The following ITGA11 variants were observed in gnomAD, a reference collection of about 807,000 sequenced individuals.
ITGA11 encodes integrin alpha-11.
In ITGA11, 97 loss-of-function variants were observed where a neutral mutation model predicts 141.9. The observed-to-expected ratio is 0.68, with a 90% CI of 0.58 to 0.81. ITGA11 has a LOEUF of 0.81. Among genes scored for constraint, ITGA11 ranks in the 30% least tolerant of loss-of-function variants. The probability of loss-of-function intolerance (pLI) is 0.00; values close to 1 mark genes in which losing one functional copy is unlikely to be tolerated. For synonymous variants in ITGA11, 658 were observed against 624.6 expected (o/e 1.05, Z -0.80); for missense variants, 1,387 against 1,559.2 (o/e 0.89, Z 1.86).
At chr15:68,355,200 G>A (rs570087600) in intron 7 of ITGA11, among the ~76,000 whole-genome samples, 2 of 152,312 alleles carry the variant, frequency 1.3e-5, no homozygotes, top group African/African-American at 4.8e-5. Context: ...GGCCTGCTGG[G>A]AGTCTCGGGT....
chr15:68,377,311 G>A (rs1420679466), intron 2 of ITGA11, among the ~76,000 whole-genome samples: 1 of 152,076 alleles, frequency 6.6e-6, no homozygotes, highest in African/African-American at 2.4e-5. Flanking sequence ...TCGCTCTGTT[G>A]CCCCGGCTGG....
rs769606074 is a variant in ITGA11 at position 68,313,786 on chromosome 15, A to G, written c.2875T>C (p.Phe959Leu). ...CCCCGGAGCCCGGCCCACCTGGTGA[A>G]GAGGACGTCAGCCTCGTATTTGAGG... ...FHLKYEADVL[F>L]TRSSSLSHYE... is the part of the protein sequence containing the mutation. The change falls in exon 23 of 30, where the codon TTC becomes CTC. Residue 959 changes from phenylalanine (F) to leucine (L), a missense_variant. Physicochemically the swap from Phe to Leu is conservative, Grantham distance 22. Transcript: ENST00000315757. 10 of 1,613,672 alleles carry G rather than the reference A, an allele frequency of 6.2e-6. No individual in the cohort carries two copies. The highest frequency in any genetic ancestry group is 1.7e-5 in the Admixed American group (1 of 59,988).
chr15:68,300,662 GT>G lies in ITGA11; in HGVS notation c.*2396del, dbSNP rs1893005260. 1 of 152,050 alleles carries G rather than the reference GT, an allele frequency of 6.6e-6. No homozygotes were observed. Among genetic ancestry groups the G allele is most frequent in the Non-Finnish European group, 1.5e-5 (1 of 67,956 alleles). 9.4% of individuals were successfully genotyped at this position (152,050 alleles called of 1,614,324 possible). ...GCTAAGGGCCTTGATACAACTCTCA[GT>G]TTGTCCACCTTTTGACCACTTAGTT... On this transcript the variant is annotated 3_prime_UTR_variant, in exon 30 of 30. Coordinates refer to ENST00000315757, the MANE Select transcript of ITGA11 (RefSeq NM_001004439.2).
At chr15:68,306,474 G>A (rs896751181) in intron 28 of ITGA11, among the ~76,000 whole-genome samples, 3 of 152,232 alleles carry the variant, frequency 2.0e-5, no homozygotes, top group African/African-American at 7.2e-5. Context: ...GCTCGGAATC[G>A]CTCCCCTCCG....
intron 2 of ITGA11, among the ~76,000 whole-genome samples, chr15:68,390,574 T>C (rs1454633497): frequency 6.6e-6 from 1 of 152,130 alleles, no homozygotes; most frequent in Non-Finnish European, 1.5e-5. Flanking sequence ...CCCCAGGAGA[T>C]GCAGACCAAG....
Position 68,358,502 on chromosome 15 carries a change from T to C in ITGA11, c.556A>G (p.Ile186Val), listed in dbSNP as rs750720293. ...ATGTAAAACTTTTTCAGGATGTTGATGAGGAAGTGCTGAACCTCCACCCAG... is the reference window on the plus strand; with the variant it reads ...ATGTAAAACTTTTTCAGGATGTTGACGAGGAAGTGCTGAACCTCCACCCAG... ...YPWVEVQHFL[I>V]NILKKFYIGP... Residue 186 changes from isoleucine to valine, a missense_variant, in exon 6 of 30, where the codon ATC becomes GTC. Transcript: ENST00000315757. 1.2e-6 allele frequency: 2 copies of C among 1,613,986 alleles called. No individual in the cohort carries two copies. The highest frequency in any genetic ancestry group is 4.5e-5 in the East Asian group (2 of 44,888).
intron 1 of ITGA11, among the ~76,000 whole-genome samples, chr15:68,411,462 T>A (rs1896769099): frequency 1.3e-5 from 2 of 152,184 alleles, no homozygotes. Context: ...AGACCAGGTA[T>A]GCCAGAAGGA....
intron 2 of ITGA11, among the ~76,000 whole-genome samples, chr15:68,374,420 G>A (rs1002161878): frequency 1.3e-5 from 2 of 152,192 alleles, no homozygotes; most frequent in African/African-American, 4.8e-5. Flanking sequence ...CCTTGGGCCA[G>A]CCTCAAATGT....
chr15:68,377,164 AT>A (rs1895749703), intron 2 of ITGA11, among the ~76,000 whole-genome samples: 1 of 152,186 alleles, frequency 6.6e-6, no homozygotes, highest in African/African-American at 2.4e-5. Context: ...TAATCCTTTA[AT>A]TGGTTCAAAA....
intron 4 of ITGA11, 39 bp downstream of exon 4, chr15:68,364,668 T>G: frequency 9.2e-6 from 6 of 655,290 alleles, no homozygotes; most frequent in Non-Finnish European, 1.4e-5. Context: ...CCCCCACCCC[T>G]GCCTCTCCTG....
At chr15:68,345,147 T>G (rs1483469195) in intron 10 of ITGA11, among the ~76,000 whole-genome samples, 1 of 152,102 alleles carries the variant, frequency 6.6e-6, no homozygotes, top group Non-Finnish European at 1.5e-5. Flanking sequence ...GTTCACTACC[T>G]CAGCAGACAG....
At chr15:68,426,329 C>A (rs887002021) in intron 1 of ITGA11, among the ~76,000 whole-genome samples, 1 of 152,138 alleles carries the variant, frequency 6.6e-6, no homozygotes, top group East Asian at 1.9e-4. Flanking sequence ...TGGGAGCAGG[C>A]GGGGCAGACA....
At chr15:68,384,067 C>T (rs983037755) in intron 2 of ITGA11, among the ~76,000 whole-genome samples, 1 of 152,010 alleles carries the variant, frequency 6.6e-6, no homozygotes, top group African/African-American at 2.4e-5. Context: ...TAAAAGCATG[C>T]AATGGCTGAA....
In ITGA11 at chr15:68,296,620, GTT is replaced by G. The variant is rs200808923; in HGVS notation, c.*6437_*6438del. The G allele has an allele frequency of 6.6e-6, 1 of 151,632 alleles. No individual in the cohort carries two copies. The highest frequency in any genetic ancestry group is 1.5e-5 in the Non-Finnish European group (1 of 67,876). 9.4% of individuals were successfully genotyped at this position (151,632 alleles called of 1,614,324 possible). A position where few individuals can be genotyped will look rare whatever the true frequency, so the allele number is the denominator to read the frequency against. The stretch of plus-strand genomic sequence containing the variant: ...TGGTGTTTGCTTTGGGGTTGTGTGT[GTT>G]TTTTTTCTACTTGTTAGAAGTTCCT... On this transcript the variant is annotated 3_prime_UTR_variant, in exon 30 of 30. Transcript: ENST00000315757.
rs1892972279 is a variant in ITGA11, at chr15:68,299,237, C to T, written c.*3822G>A. ...CCCTCCTCATGCTAAATCAGCAAGG[C>T]TCCGTTCCTGTTTCAGTTTCAGTTT... On this transcript the variant is annotated 3_prime_UTR_variant, in exon 30 of 30. Transcript: ENST00000315757. The T allele has an allele frequency of 6.6e-6, 1 of 152,168 alleles. No individual in the cohort carries two copies. The highest frequency in any genetic ancestry group is 6.5e-5 in the Admixed American group (1 of 15,284). The allele number at this position is 152,168 out of a possible 1,614,324, so 9.4% of individuals were successfully genotyped here. A position where few individuals can be genotyped will look rare whatever the true frequency, so the allele number is the denominator to read the frequency against.
At position 68,324,253 on chromosome 15, in the gene ITGA11, G is replaced by A. The variant is rs754199671; in HGVS notation, c.2322+878C>T. ...AATGAGAGAAGGGGAGGTTTTCAGG[G>A]GCATTGCTGTGGACTGTACGGTCCT... On this transcript the variant is annotated intron_variant, in intron 18 of 29. Coordinates refer to ENST00000315757, the MANE Select transcript of ITGA11 (RefSeq NM_001004439.2). The surrounding 1 kb of genome is among the most constrained non-coding windows in gnomAD (Gnocchi z 6.3). Among the ~76,000 whole-genome samples, 3 of 152,002 alleles carry A rather than the reference G, an allele frequency of 2.0e-5. No individual in the cohort carries two copies. The highest frequency in any genetic ancestry group is 4.4e-5 in the Non-Finnish European group (3 of 68,018).
chr15:68,375,329 C>G (rs1392160985), intron 2 of ITGA11, among the ~76,000 whole-genome samples: 5 of 152,210 alleles, frequency 3.3e-5, no homozygotes. Context: ...CTCGAGGGAA[C>G]AAAGGAGAGA....
intron 1 of ITGA11, among the ~76,000 whole-genome samples, chr15:68,411,264 T>A (rs1357641165): frequency 2.6e-5 from 4 of 152,132 alleles, no homozygotes; most frequent in Admixed American, 2.6e-4. Flanking sequence ...ATGTGTTGAG[T>A]TAAAGTAGAA....
At chr15:68,378,452 C>G (rs376808250) in intron 2 of ITGA11, among the ~76,000 whole-genome samples, 44 of 152,112 alleles carry the variant, frequency 2.9e-4, no homozygotes, top group African/African-American at 1.0e-3. Context: ...CAAGAGCAGC[C>G]TGGGCAACAT....
Sources: gnomAD v4.1 joint callset for allele counts (sites outside exome capture counted in the v4.1 genomes callset) on GRCh38, gnomAD v4.1.1 for gene constraint, Gnocchi (gnomAD v3.1) non-coding constraint, MANE v1.5 for transcripts, NCBI Gene and HGNC (gene_info 2026-07-23, HGNC 2026-07-21) for gene names.